SLC13A4: variants seen among roughly 807,000 people sequenced by gnomAD.
SLC13A4 encodes the protein solute carrier family 13 member 4.
SLC13A4 carries 28 observed loss-of-function variants against 72.7 expected under a neutral mutation model. The ratio of observed to expected loss-of-function variants is 0.39; its 90% CI spans 0.29 to 0.53. SLC13A4 has a LOEUF of 0.53. Among genes scored for constraint, SLC13A4 ranks in the 20% least tolerant of loss-of-function variants. The pLI is 0.78. For missense variants in SLC13A4, 653 were observed against 788.0 expected, an observed-to-expected ratio of 0.83 and a Z score of 2.05; for synonymous variants, 312 against 325.5, an observed-to-expected ratio of 0.96 and a Z score of 0.45.
chr7:135,687,540 C>G (rs1352943552), intron 13 of SLC13A4, among the ~76,000 whole-genome samples: 1 of 152,226 alleles, frequency 6.6e-6, no homozygotes, highest in Non-Finnish European at 1.5e-5. Flanking sequence ...GTAGCCACTT[C>G]ACCTTGTAGA....
At chr7:135,699,267 T>A in intron 8 of SLC13A4, 97 bp downstream of exon 8, 1 of 1,233,374 alleles carries the variant, frequency 8.1e-7, no homozygotes, top group East Asian at 2.7e-5. Context: ...ACGGAAACTC[T>A]TCTATTCTCA....
In SLC13A4 at chr7:135,706,309, C is replaced by T. The variant is rs200531564; in HGVS notation, c.366-9G>A. The T allele has an allele frequency of 6.3e-7, 1 of 1,597,012 alleles. No homozygotes were observed. Among genetic ancestry groups the T allele is most frequent in the African/African-American group, 1.3e-5 (1 of 74,836 alleles). ...TGAAGCAGAGCAGCAGCCTGGAAGG[C>T]AGGGAGGGTTGGGGCAGAGCGTCCA... is the stretch of plus-strand genomic sequence containing the variant. On this transcript the variant is annotated splice_polypyrimidine_tract_variant and intron_variant, in intron 3 of 15. Coordinates refer to ENST00000682651, the MANE Select transcript of SLC13A4 (RefSeq NM_001318192.2).
intron 13 of SLC13A4, among the ~76,000 whole-genome samples, chr7:135,689,920 C>G (rs1023327691): frequency 6.6e-6 from 1 of 152,102 alleles, no homozygotes; most frequent in African/African-American, 2.4e-5. Flanking sequence ...TGGCTCATGC[C>G]TGTAATCCCA....
At chr7:135,718,586 A>T (rs936533533) in intron 2 of SLC13A4, among the ~76,000 whole-genome samples, 1 of 152,190 alleles carries the variant, frequency 6.6e-6, no homozygotes, top group Non-Finnish European at 1.5e-5. Flanking sequence ...AAAGATAAAG[A>T]CATGAAATAG....
rs968225969 is a variant in SLC13A4, at chr7:135,719,781, A to ATGTGTGTGTGTG, written c.228+1602_228+1613dup. ...TGAGGCTATGGCTACTCAATGCCAC[A>ATGTGTGTGTGTG]TGTGTGTGTGTGTGTGTGTGTATGT... On this transcript the variant is annotated intron_variant, in intron 2 of 15. Transcript: ENST00000682651. Among the ~76,000 whole-genome samples the ATGTGTGTGTGTG allele has an allele frequency of 1.2e-3, 177 of 146,110 alleles. 1 individual carries two copies. Among genetic ancestry groups the ATGTGTGTGTGTG allele is most frequent in the African/African-American group, 4.4e-3 (171 of 39,108 alleles).
At chr7:135,712,781 G>A (rs532038067) in intron 2 of SLC13A4, among the ~76,000 whole-genome samples, 7 of 152,302 alleles carry the variant, frequency 4.6e-5, no homozygotes, top group Non-Finnish European at 8.8e-5. Context: ...TAACACCTGG[G>A]TTATTCAGAG....
At chr7:135,695,565 T>TC in intron 8 of SLC13A4, 78 bp from the exon 9 acceptor site, 1 of 1,486,902 alleles carries the variant, frequency 6.7e-7, no homozygotes. Context: ...TGCCAAATGC[T>TC]CCCTAAAACA....
intron 5 of SLC13A4, 143 bp from the exon 6 acceptor site, chr7:135,703,027 C>G: frequency 4.8e-6 from 3 of 628,872 alleles, no homozygotes; most frequent in Non-Finnish European, 8.5e-6. Flanking sequence ...ACTAATCTCT[C>G]CCTTGTCTTC....
chr7:135,697,869 C>A (rs913680880), intron 8 of SLC13A4, among the ~76,000 whole-genome samples: 1 of 152,098 alleles, frequency 6.6e-6, no homozygotes, highest in East Asian at 1.9e-4. Context: ...AGCTTACTCC[C>A]GTCCTTCAGG....
At chr7:135,683,444 A>G in intron 15 of SLC13A4, 1 of 984,834 alleles carries the variant, frequency 1.0e-6, no homozygotes, top group Non-Finnish European at 1.2e-6. Flanking sequence ...AAATTGTCAG[A>G]CCATCAGTAA....
intron 2 of SLC13A4, among the ~76,000 whole-genome samples, chr7:135,715,425 G>T (rs1360186500): frequency 6.6e-6 from 1 of 151,800 alleles, no homozygotes; most frequent in Non-Finnish European, 1.5e-5. Context: ...GTATGAGTGT[G>T]TGAGCGTGTG....
Position 135,727,654 on chromosome 7 carries a change from C to T in SLC13A4, c.-158G>A. 1 of 856,384 alleles carries T rather than the reference C, an allele frequency of 1.2e-6. No homozygotes were observed. The highest frequency in any genetic ancestry group is 2.8e-5 in the East Asian group (1 of 35,934). The allele number at this position is 856,384 out of a possible 1,614,324, so 53.0% of individuals were successfully genotyped here. A position where few individuals can be genotyped will look rare whatever the true frequency, so the allele number is the denominator to read the frequency against. ...GGGGCAGAACGGGAGGGCAGTTATA[C>T]CCTCGCTGTTTCTACAAGAGGCTGG... On this transcript the variant is annotated 5_prime_UTR_variant, in exon 1 of 16. Transcript: ENST00000682651.
chr7:135,696,787 C>G (rs1476297034), intron 8 of SLC13A4, among the ~76,000 whole-genome samples: 1 of 152,198 alleles, frequency 6.6e-6, no homozygotes, highest in African/African-American at 2.4e-5. Context: ...GGTCCTCTTG[C>G]CTACATCACC....
chr7:135,685,723 A>G, intron 13 of SLC13A4, 40 bp from the exon 14 acceptor site: 2 of 1,559,068 alleles, frequency 1.3e-6, no homozygotes, highest in Non-Finnish European at 1.8e-6. Context: ...AAGGAGAAGA[A>G]GCACATCCCA....
intron 13 of SLC13A4, among the ~76,000 whole-genome samples, chr7:135,686,748 A>G (rs757653281): frequency 3.3e-5 from 5 of 152,192 alleles, no homozygotes; most frequent in Non-Finnish European, 1.5e-5. Flanking sequence ...ACAGTTACAC[A>G]CATCCACTTA....
chr7:135,708,130 C>T lies in SLC13A4; in HGVS notation c.349G>A (p.Gly117Arg), dbSNP rs1449966119. Reference protein sequence around the residue: ...RIALRMVLMAGAKPGMLLLCF... With the variant: ...RIALRMVLMARAKPGMLLLCF... ...AAGACTTACATGCCCGGCTTGGCTC[C>T]GGCCATCAAGACCATGCGCAGAGCA... The change falls in exon 3 of 16, where the codon GGA becomes AGA. Residue 117 changes from glycine (G) to arginine (R), a missense_variant. Physicochemically the swap from Gly to Arg is moderately radical, Grantham distance 125 (BLOSUM62 -2). Transcript: ENST00000682651. The T allele has an allele frequency of 9.3e-6, 15 of 1,613,338 alleles. No homozygotes were observed. The highest frequency in any genetic ancestry group is 1.7e-5 in the Admixed American group (1 of 59,978).
At chr7:135,721,577 C>T (rs1796550837) in intron 1 of SLC13A4, 54 bp from the exon 2 acceptor site, 41 of 1,603,028 alleles carry the variant, frequency 2.6e-5, no homozygotes, top group Non-Finnish European at 2.6e-5. Flanking sequence ...TGCCACTGAG[C>T]GTCCGGATGC....
At chr7:135,697,586 C>T (rs1388258225) in intron 8 of SLC13A4, among the ~76,000 whole-genome samples, 2 of 135,460 alleles carry the variant, frequency 1.5e-5, no homozygotes, top group Admixed American at 1.6e-4. Flanking sequence ...ATCTGTTCTC[C>T]TTTTTTTTTT....
chr7:135,686,650 G>C (rs1162370187), intron 13 of SLC13A4, among the ~76,000 whole-genome samples: 1 of 152,196 alleles, frequency 6.6e-6, no homozygotes, highest in Non-Finnish European at 1.5e-5. Flanking sequence ...GGGATTATAG[G>C]TGTGAGCCAC....
Sources: gnomAD v4.1 joint callset for allele counts (sites outside exome capture counted in the v4.1 genomes callset) on GRCh38, gnomAD v4.1.1 for gene constraint, MANE v1.5 for transcripts, NCBI Gene and HGNC (gene_info 2026-07-23, HGNC 2026-07-21) for gene names.